HS6ST3: variants seen among roughly 807,000 people sequenced by gnomAD.
HS6ST3 encodes the protein heparan-sulfate 6-O-sulfotransferase 3.
A neutral mutation model predicts 36.7 loss-of-function variants in HS6ST3; 12 were observed. The ratio of observed to expected loss-of-function variants is 0.33; its 90% CI spans 0.21 to 0.53. HS6ST3 has a LOEUF of 0.53. HS6ST3 is among the 20% of genes least tolerant of loss of function. HS6ST3 has a pLI of 0.95. For synonymous variants in HS6ST3, 240 were observed against 257.5 expected (o/e 0.93, Z 0.65); for missense variants, 584 against 640.9 (o/e 0.91, Z 0.96).
chr13:96,595,714 C>T (rs1374710761), intron 1 of HS6ST3, among the ~76,000 whole-genome samples: 1 of 151,710 alleles, frequency 6.6e-6, no homozygotes, highest in Admixed American at 6.6e-5. Context: ...TTTCTTCATT[C>T]CTTTTCTTTC....
intron 1 of HS6ST3, among the ~76,000 whole-genome samples, chr13:96,348,529 AT>A (rs2055166699): frequency 6.6e-6 from 1 of 152,206 alleles, no homozygotes; most frequent in Non-Finnish European, 1.5e-5. Context: ...TTTTTTCCAA[AT>A]AACTATTTAA....
intron 1 of HS6ST3, among the ~76,000 whole-genome samples, chr13:96,816,786 C>G (rs1479185512): frequency 3.3e-5 from 5 of 152,126 alleles, no homozygotes; most frequent in Non-Finnish European, 7.3e-5. Flanking sequence ...ATCAGCGCTC[C>G]AAGAGGCTTT....
At chr13:96,463,038 A>C (rs1047639520) in intron 1 of HS6ST3, among the ~76,000 whole-genome samples, 3 of 152,232 alleles carry the variant, frequency 2.0e-5, no homozygotes, top group Non-Finnish European at 2.9e-5. Flanking sequence ...TCATGTTCCT[A>C]GCTAGGAAGA....
rs912491211 is a variant in HS6ST3 at position 96,836,228 on chromosome 13, A to C, written c.*3030A>C. ...GAAAAAAACAATCCCCAGGGGTTCTATGACCCTATTGACTCCTACAGTTCT... is the reference window on the plus strand; with the variant it reads ...GAAAAAAACAATCCCCAGGGGTTCTCTGACCCTATTGACTCCTACAGTTCT... On this transcript the variant is annotated 3_prime_UTR_variant, in exon 2 of 2. Coordinates refer to ENST00000376705, the MANE Select transcript of HS6ST3 (RefSeq NM_153456.4). The C allele has an allele frequency of 6.6e-6, 1 of 152,224 alleles. No individual in the cohort carries two copies. The highest frequency in any genetic ancestry group is 6.5e-5 in the Admixed American group (1 of 15,278). 9.4% of individuals were successfully genotyped at this position (152,224 alleles called of 1,614,324 possible).
At chr13:96,440,556 G>A (rs563090478) in intron 1 of HS6ST3, among the ~76,000 whole-genome samples, 1 of 151,938 alleles carries the variant, frequency 6.6e-6, no homozygotes, top group African/African-American at 2.4e-5. Context: ...AAGATGGCTT[G>A]CATATGCTTT....
chr13:96,597,912 C>G (rs1222950686), intron 1 of HS6ST3, among the ~76,000 whole-genome samples: 1 of 152,060 alleles, frequency 6.6e-6, no homozygotes, highest in African/African-American at 2.4e-5. Flanking sequence ...TTTCCCAACA[C>G]CGTTCACTGA....
At chr13:96,350,276 C>T (rs1028761497) in intron 1 of HS6ST3, among the ~76,000 whole-genome samples, 1 of 152,190 alleles carries the variant, frequency 6.6e-6, no homozygotes, top group African/African-American at 2.4e-5. Flanking sequence ...TTGAGCTGAA[C>T]ATGTCTGTGG....
chr13:96,456,450 A>G (rs2055755156), intron 1 of HS6ST3, among the ~76,000 whole-genome samples: 1 of 152,168 alleles, frequency 6.6e-6, no homozygotes, highest in Admixed American at 6.5e-5. Flanking sequence ...CTGATGTGCA[A>G]ATGCATTTTC....
chr13:96,100,710 G>A (rs2053814269), intron 1 of HS6ST3, among the ~76,000 whole-genome samples: 1 of 152,160 alleles, frequency 6.6e-6, no homozygotes, highest in African/African-American at 2.4e-5. Flanking sequence ...CTTCCAGAGT[G>A]AATCCACTTA....
chr13:96,163,440 A>G (rs1215518788), intron 1 of HS6ST3, among the ~76,000 whole-genome samples: 2 of 152,078 alleles, frequency 1.3e-5, no homozygotes, highest in East Asian at 1.9e-4. Flanking sequence ...CGTATTAGCT[A>G]GCATGGTCTC....
intron 1 of HS6ST3, among the ~76,000 whole-genome samples, chr13:96,653,833 A>G (rs1208100257): frequency 6.6e-6 from 1 of 152,198 alleles, no homozygotes; most frequent in African/African-American, 2.4e-5. Context: ...CAACAGTGTA[A>G]AAGCGTTCTT....
chr13:96,506,232 C>T (rs2056025865), intron 1 of HS6ST3, among the ~76,000 whole-genome samples: 1 of 152,030 alleles, frequency 6.6e-6, no homozygotes, highest in Admixed American at 6.6e-5. Context: ...ACTTTTCTTC[C>T]AAAAACTCTC....
intron 1 of HS6ST3, among the ~76,000 whole-genome samples, chr13:96,095,794 A>G (rs559433175): frequency 4.6e-5 from 7 of 152,008 alleles, no homozygotes; most frequent in Admixed American, 6.6e-5. Flanking sequence ...CTTTCAGTCA[A>G]TCATTGTGTC....
rs1203595829 is a variant in HS6ST3 at position 96,351,335 on chromosome 13, T to TTTTTTTTTTTTTTTTTTTTAAAA, written c.707+259766_707+259767insTTTTTTTTTTTTTTTTTTTAAAA. ...AGGTGGCAGTCTTTTTTTTTTTTTTTAAAAAAAACAAGGTCTTGCTGGGTT... is the reference window on the plus strand; with the variant it reads ...AGGTGGCAGTCTTTTTTTTTTTTTTTTTTTTTTTTTTTTTTTTTTAAAAAAAAAAAACAAGGTCTTGCTGGGTT... On this transcript the variant is annotated intron_variant, in intron 1 of 1. Coordinates refer to ENST00000376705, the MANE Select transcript of HS6ST3 (RefSeq NM_153456.4). 1.2e-4 allele frequency among the ~76,000 whole-genome samples: 17 copies of TTTTTTTTTTTTTTTTTTTTAAAA among 146,358 alleles called. 1 individual carries two copies. Among genetic ancestry groups the TTTTTTTTTTTTTTTTTTTTAAAA allele is most frequent in the African/African-American group, 4.4e-4 (17 of 38,536 alleles).
intron 1 of HS6ST3, among the ~76,000 whole-genome samples, chr13:96,823,147 T>G (rs1176868041): frequency 1.3e-5 from 2 of 152,212 alleles, no homozygotes; most frequent in African/African-American, 4.8e-5. Context: ...CCTCATGGAA[T>G]AGTCAAGTCC....
intron 1 of HS6ST3, among the ~76,000 whole-genome samples, chr13:96,549,097 C>T (rs2056209045): frequency 6.6e-6 from 1 of 152,192 alleles, no homozygotes; most frequent in African/African-American, 2.4e-5. Flanking sequence ...GTTTGAGGTA[C>T]ATTAGCTCCC....
intron 1 of HS6ST3, among the ~76,000 whole-genome samples, chr13:96,612,243 G>T (rs2056459449): frequency 6.6e-6 from 1 of 152,120 alleles, no homozygotes; most frequent in Non-Finnish European, 1.5e-5. Flanking sequence ...GAGAGTAGCA[G>T]TTGACTCTCT....
intron 1 of HS6ST3, among the ~76,000 whole-genome samples, chr13:96,789,450 T>G (rs1877727082): frequency 6.6e-6 from 1 of 151,890 alleles, no homozygotes. Context: ...TCGTTCATAT[T>G]TAAAGAATAA....
At chr13:96,241,878 C>T (rs760772565) in intron 1 of HS6ST3, among the ~76,000 whole-genome samples, 76 of 151,342 alleles carry the variant, frequency 5.0e-4, no homozygotes, top group Non-Finnish European at 8.8e-4. Flanking sequence ...CTCCGCCTCC[C>T]GGGTTCACGC....
Sources: gnomAD v4.1 joint callset for allele counts (sites outside exome capture counted in the v4.1 genomes callset) on GRCh38, gnomAD v4.1.1 for gene constraint, MANE v1.5 for transcripts, NCBI Gene and HGNC (gene_info 2026-07-23, HGNC 2026-07-21) for gene names.